The following ANK2 variants were observed in gnomAD, a reference collection of about 807,000 sequenced individuals.
ANK2 encodes ankyrin 2.
ANK2 carries 83 observed loss-of-function variants against 360.5 expected under a neutral mutation model. The observed-to-expected ratio is 0.23, with a 90% confidence interval of 0.19 to 0.28. The LOEUF is 0.28. Among genes scored for constraint, ANK2 ranks in the 10% least tolerant of loss-of-function variants. The pLI is 1.00. For missense variants in ANK2, 4,201 were observed against 4,795.7 expected, an observed-to-expected ratio of 0.88 and a Z score of 3.66; for synonymous variants, 1,740 against 1,759.5, an observed-to-expected ratio of 0.99 and a Z score of 0.28.
chr4:112,852,416 TA>T (rs1264003671), intron 1 of ANK2, among the ~76,000 whole-genome samples: 1 of 152,240 alleles, frequency 6.6e-6, no homozygotes, highest in Non-Finnish European at 1.5e-5. Context: ...ATGTTTCTTT[TA>T]AAAAATCTCT....
intron 1 of ANK2, among the ~76,000 whole-genome samples, chr4:112,833,768 G>C (rs1425769233): frequency 6.6e-6 from 1 of 152,178 alleles, no homozygotes; most frequent in Non-Finnish European, 1.5e-5. Context: ...CTTCCAAAGT[G>C]CTGGGATTAC....
intron 1 of ANK2, among the ~76,000 whole-genome samples, chr4:113,087,193 A>G (rs900374459): frequency 6.6e-6 from 1 of 152,224 alleles, no homozygotes; most frequent in African/African-American, 2.4e-5. Context: ...GATGAGTACA[A>G]GGTTTCCAGG....
chr4:113,140,751 G>T (rs2096607400), intron 1 of ANK2, among the ~76,000 whole-genome samples: 1 of 152,056 alleles, frequency 6.6e-6, no homozygotes, highest in South Asian at 2.1e-4. Context: ...GGCCGAGGCA[G>T]GTGTATCACT....
At position 113,264,999 on chromosome 4, in the gene ANK2, G is replaced by A; in HGVS notation, c.1485+4G>A. On this transcript the variant is annotated splice_donor_region_variant and intron_variant, in intron 14 of 45. Coordinates refer to ENST00000357077, the MANE Select transcript of ANK2 (RefSeq NM_001148.6). ...CCTTGTTGATGCCAGAGCCAGGGTA[G>A]GTACTGGTGCCCTGAGGTTCTCTTC... The A allele has an allele frequency of 2.6e-6, 4 of 1,557,126 alleles. No homozygotes were observed. The highest frequency in any genetic ancestry group is 3.5e-6 in the Non-Finnish European group (4 of 1,149,422).
intron 1 of ANK2, among the ~76,000 whole-genome samples, chr4:112,901,143 A>G (rs2083227727): frequency 1.3e-5 from 2 of 152,188 alleles, no homozygotes; most frequent in Admixed American, 6.5e-5. Context: ...TGCCTTATAC[A>G]CTGTTAGCAC....
At chr4:112,926,775 A>G (rs1203228392) in intron 2 of ANK2, among the ~76,000 whole-genome samples, 1 of 152,232 alleles carries the variant, frequency 6.6e-6, no homozygotes, top group Non-Finnish European at 1.5e-5. Context: ...ACTGCCATGT[A>G]AGATACTAAC....
chr4:112,977,740 T>A (rs1475080081), intron 2 of ANK2, among the ~76,000 whole-genome samples: 1 of 151,938 alleles, frequency 6.6e-6, no homozygotes, highest in African/African-American at 2.4e-5. Flanking sequence ...TTTCCCTCCA[T>A]CCACCTACAG....
chr4:113,212,114 G>C (rs2153455061), intron 4 of ANK2, among the ~76,000 whole-genome samples: 1 of 152,290 alleles, frequency 6.6e-6, no homozygotes, highest in African/African-American at 2.4e-5. Flanking sequence ...TTATACAGAG[G>C]AAACTGAGAG....
chr4:113,219,430 A>G (rs117653754), intron 4 of ANK2, among the ~76,000 whole-genome samples: 4,219 of 151,948 alleles, frequency 0.028, 95 homozygotes, highest in East Asian at 0.067. Flanking sequence ...ATTTTATGTG[A>G]TATGGTGAGC....
intron 1 of ANK2, among the ~76,000 whole-genome samples, chr4:113,072,708 A>G (rs2078049190): frequency 7.0e-6 from 1 of 143,702 alleles, no homozygotes; most frequent in Non-Finnish European, 1.5e-5. Context: ...GAACTTTTGG[A>G]TGACTTTTTC....
chr4:112,983,677 GAA>G (rs34272455), intron 2 of ANK2, among the ~76,000 whole-genome samples: 2 of 148,042 alleles, frequency 1.4e-5, no homozygotes, highest in African/African-American at 2.5e-5. Context: ...CTCCGTCTCA[GAA>G]AAAAAAAAAG....
intron 2 of ANK2, among the ~76,000 whole-genome samples, chr4:112,942,570 A>T (rs1304892232): frequency 6.6e-6 from 1 of 152,026 alleles, no homozygotes; most frequent in Non-Finnish European, 1.5e-5. Context: ...AAAAATGAGG[A>T]TAAATGACCA....
the ANK2 span, among the ~76,000 whole-genome samples, chr4:112,809,266 A>ATTT: frequency 1.3e-5 from 2 of 150,854 alleles, no homozygotes; most frequent in Admixed American, 6.6e-5. Flanking sequence ...AATGGTTAGA[A>ATTT]ATAAATAAAT....
intron 1 of ANK2, among the ~76,000 whole-genome samples, chr4:112,885,042 T>A (rs150343145): frequency 1.6e-3 from 239 of 152,354 alleles, no homozygotes; most frequent in African/African-American, 5.1e-3. Flanking sequence ...GATTGACATG[T>A]TTGCTATCAA....
chr4:112,759,769 C>G, the ANK2 span, among the ~76,000 whole-genome samples: 14 of 152,116 alleles, frequency 9.2e-5, no homozygotes, highest in Non-Finnish European at 2.1e-4. Context: ...TTGTAGAGGA[C>G]TTTGTACTTT....
chr4:113,365,203 G>GTGTGTA, intron 41 of ANK2, 21 bp downstream of exon 41: 1 of 55,266 alleles, frequency 1.8e-5, no homozygotes, highest in Non-Finnish European at 3.3e-5. Flanking sequence ...GTGTGTGTAT[G>GTGTGTA]TGTGTGTGTG....
intron 1 of ANK2, among the ~76,000 whole-genome samples, chr4:113,073,048 G>A (rs1156734760): frequency 8.8e-5 from 11 of 125,418 alleles, no homozygotes; most frequent in South Asian, 2.7e-4. Context: ...TGCAACCTCC[G>A]CCTCCCACGT....
chr4:112,797,621 TC>T, the ANK2 span: 6 of 162,838 alleles, frequency 3.7e-5, no homozygotes, highest in Non-Finnish European at 7.1e-5. Flanking sequence ...CCAGTTGTTC[TC>T]CCTGGTAATA....
intron 4 of ANK2, among the ~76,000 whole-genome samples, chr4:113,209,227 C>T (rs1444044584): frequency 1.3e-5 from 2 of 151,862 alleles, no homozygotes; most frequent in Non-Finnish European, 2.9e-5. Flanking sequence ...CAAAGGAGGT[C>T]TTGCTATATA....
Sources: gnomAD v4.1 joint callset for allele counts (sites outside exome capture counted in the v4.1 genomes callset) on GRCh38, gnomAD v4.1.1 for gene constraint, MANE v1.5 for transcripts, NCBI Gene and HGNC (gene_info 2026-07-23, HGNC 2026-07-21) for gene names.